Variants in CAP2 observed in about 807,000 individuals in gnomAD.
CAP2 encodes the protein adenylyl cyclase-associated protein 2.
A neutral mutation model predicts 57.7 loss-of-function variants in CAP2; 24 were observed. The observed-to-expected ratio is 0.42, with a 90% confidence interval of 0.30 to 0.58. The LOEUF is 0.58. CAP2 is among the 20% of genes least tolerant of loss of function. The pLI is 0.22. For missense variants in CAP2, 501 were observed against 590.3 expected (o/e 0.85, Z 1.57); for synonymous variants, 194 against 207.2 (o/e 0.94, Z 0.55).
At chr6:17,519,967 A>G (rs1457753828) in intron 7 of CAP2, among the ~76,000 whole-genome samples, 1 of 152,150 alleles carries the variant, frequency 6.6e-6, no homozygotes, top group Non-Finnish European at 1.5e-5. Flanking sequence ...GTCCTTTCCT[A>G]TATTTCTGAA....
At chr6:17,516,058 C>T (rs1762269644) in intron 7 of CAP2, among the ~76,000 whole-genome samples, 1 of 152,192 alleles carries the variant, frequency 6.6e-6, no homozygotes, top group South Asian at 2.1e-4. Context: ...CCTAATTTCC[C>T]CCGGGGAGGT....
chr6:17,417,162 CA>C (rs1169323020), intron 1 of CAP2, among the ~76,000 whole-genome samples: 3 of 150,950 alleles, frequency 2.0e-5, no homozygotes, highest in Non-Finnish European at 4.4e-5. Flanking sequence ...AAAAATGACC[CA>C]AAAGGAGGAT....
chr6:17,435,006 G>A (rs920401509), intron 3 of CAP2, among the ~76,000 whole-genome samples: 1 of 140,832 alleles, frequency 7.1e-6, no homozygotes, highest in Admixed American at 7.4e-5. Context: ...AGTTAGAATG[G>A]CTATCATTAA....
At chr6:17,393,948 G>C (rs1471562104) in intron 1 of CAP2, among the ~76,000 whole-genome samples, 4 of 147,316 alleles carry the variant, frequency 2.7e-5, no homozygotes, top group African/African-American at 9.8e-5. Context: ...CCGGGCGCGG[G>C]GCGCGGGCGC....
intron 1 of CAP2, among the ~76,000 whole-genome samples, chr6:17,415,068 A>G (rs1379763858): frequency 6.6e-6 from 1 of 152,046 alleles, no homozygotes; most frequent in African/African-American, 2.4e-5. Flanking sequence ...AGAAAAGTCT[A>G]TTTCCTATTT....
At chr6:17,538,109 G>A (rs1343094230) in intron 7 of CAP2, among the ~76,000 whole-genome samples, 1 of 151,752 alleles carries the variant, frequency 6.6e-6, no homozygotes, top group African/African-American at 2.4e-5. Context: ...CAAGTTTGTG[G>A]TATATGTGTG....
chr6:17,456,228 G>C (rs1021177743), intron 3 of CAP2, among the ~76,000 whole-genome samples: 1 of 152,180 alleles, frequency 6.6e-6, no homozygotes, highest in African/African-American at 2.4e-5. Flanking sequence ...GCCTCCAGTT[G>C]ATTCTGATGG....
chr6:17,411,678 C>G (rs1270837183), intron 1 of CAP2, among the ~76,000 whole-genome samples: 1 of 152,126 alleles, frequency 6.6e-6, no homozygotes, highest in Non-Finnish European at 1.5e-5. Flanking sequence ...TTTATATATT[C>G]TGGATACAAG....
chr6:17,440,753 G>C (rs1760051858), intron 3 of CAP2, among the ~76,000 whole-genome samples: 1 of 151,150 alleles, frequency 6.6e-6, no homozygotes, highest in African/African-American at 2.5e-5. Context: ...CATGTGCCGT[G>C]TTGGTTTGCT....
chr6:17,468,587 T>G (rs111349436), intron 4 of CAP2, among the ~76,000 whole-genome samples: 5 of 152,326 alleles, frequency 3.3e-5, no homozygotes, highest in African/African-American at 9.6e-5. Flanking sequence ...TTGCAAAGCA[T>G]CTCAGCTTTT....
chr6:17,523,405 A>T (rs2113678137), intron 7 of CAP2, among the ~76,000 whole-genome samples: 1 of 152,166 alleles, frequency 6.6e-6, no homozygotes, highest in East Asian at 1.9e-4. Flanking sequence ...TAGGAGAGAC[A>T]TCCAAACACG....
At chr6:17,416,539 G>A (rs1759279828) in intron 1 of CAP2, among the ~76,000 whole-genome samples, 1 of 152,190 alleles carries the variant, frequency 6.6e-6, no homozygotes, top group Admixed American at 6.5e-5. Flanking sequence ...CAATACGCAT[G>A]CAGGTGGTAG....
At chr6:17,413,162 G>C (rs1759184451) in intron 1 of CAP2, among the ~76,000 whole-genome samples, 1 of 152,168 alleles carries the variant, frequency 6.6e-6, no homozygotes, top group Non-Finnish European at 1.5e-5. Context: ...AGAGGCCCTA[G>C]AGGAGTCAGT....
At chr6:17,465,629 G>A (rs576943172) in intron 4 of CAP2, among the ~76,000 whole-genome samples, 1 of 152,156 alleles carries the variant, frequency 6.6e-6, no homozygotes, top group Admixed American at 6.5e-5. Flanking sequence ...GTCCACTCCA[G>A]TGGGGATGGT....
chr6:17,426,450 G>A (rs1759593226), intron 2 of CAP2, 140 bp from the exon 3 acceptor site: 2 of 632,904 alleles, frequency 3.2e-6, no homozygotes, highest in Admixed American at 4.7e-5. Context: ...GTCCAGGCTG[G>A]TCTTAAACTC....
chr6:17,507,310 G>A lies in CAP2; in HGVS notation c.442G>A (p.Val148Met). Residue 148 changes from valine (V) to methionine (M), a missense_variant and splice_region_variant, in exon 5 of 13, where the codon GTG becomes ATG. Coordinates refer to ENST00000229922, the MANE Select transcript of CAP2 (RefSeq NM_006366.3). Reference sequence around the variant, plus strand: ...CATCCCTGCCCTTGGATGGATAGCTGTGGTGAGTCCAGGTGCAATGTTGCC... The same window carrying A: ...CATCCCTGCCCTTGGATGGATAGCTATGGTGAGTCCAGGTGCAATGTTGCC... ...ESIPALGWIA[V>M]SPKPGPYVKE... is the part of the protein sequence containing the mutation. The A allele has an allele frequency of 1.9e-6, 3 of 1,614,166 alleles. No homozygotes were observed. The highest frequency in any genetic ancestry group is 2.5e-6 in the Non-Finnish European group (3 of 1,179,998).
intron 7 of CAP2, among the ~76,000 whole-genome samples, chr6:17,533,789 A>T (rs530372711): frequency 3.3e-5 from 5 of 151,938 alleles, no homozygotes; most frequent in Admixed American, 2.6e-4. Context: ...GATGGTCTTG[A>T]TCTCCTGACC....
Position 17,461,803 on chromosome 6 carries a change from G to T in CAP2, c.223-1193G>T, listed in dbSNP as rs371916538. ...GTCAGGAGATCGAGACCATCCTGGC[G>T]AACACTGTGAAACCCCGTCTCTACT... On this transcript the variant is annotated intron_variant, in intron 3 of 12. Coordinates refer to ENST00000229922, the MANE Select transcript of CAP2 (RefSeq NM_006366.3). 7.4e-3 allele frequency among the ~76,000 whole-genome samples: 1,114 copies of T among 149,562 alleles called. 7 individuals carry two copies. The highest frequency in any genetic ancestry group is 8.8e-3 in the Non-Finnish European group (592 of 67,278).
chr6:17,412,242 C>T (rs1189077907), intron 1 of CAP2, among the ~76,000 whole-genome samples: 1 of 152,154 alleles, frequency 6.6e-6, no homozygotes, highest in East Asian at 1.9e-4. Flanking sequence ...CCCCCAGTGG[C>T]TGAACTGTCT....
Sources: gnomAD v4.1 joint callset for allele counts (sites outside exome capture counted in the v4.1 genomes callset) on GRCh38, gnomAD v4.1.1 for gene constraint, MANE v1.5 for transcripts, NCBI Gene and HGNC (gene_info 2026-07-23, HGNC 2026-07-21) for gene names.